The following KRT6C variants were observed in gnomAD, a reference collection of about 807,000 sequenced individuals.
The protein encoded by KRT6C is keratin, type II cytoskeletal 6C.
A neutral mutation model predicts 49.4 loss-of-function variants in KRT6C; 46 were observed. The observed-to-expected ratio is 0.93, with a 90% CI of 0.74 to 1.19. The LOEUF (loss-of-function observed/expected upper bound fraction) is 1.19. Among genes scored for constraint, KRT6C ranks in the 50% most tolerant of loss-of-function variants. The probability of loss-of-function intolerance (pLI) is 0.00; values close to 1 mark genes in which losing one functional copy is unlikely to be tolerated. For missense variants in KRT6C, 552 were observed against 737.5 expected, an observed-to-expected ratio of 0.75 and a Z score of 2.91; for synonymous variants, 236 against 297.1, an observed-to-expected ratio of 0.79 and a Z score of 2.12.
rs768706973 is a variant in KRT6C, at chr12:52,471,479, T to C, written c.854A>G (p.Gln285Arg). 17 of 1,613,738 alleles carry C rather than the reference T, an allele frequency of 1.1e-5. No individual in the cohort carries two copies. Among genetic ancestry groups the C allele is most frequent in the Non-Finnish European group, 1.3e-5 (15 of 1,179,884 alleles). Residue 285 changes from glutamine to arginine, a missense_variant, in exon 4 of 9, where the codon CAA becomes CGA. Physicochemically the swap from Gln to Arg is conservative, Grantham distance 43. Transcript: ENST00000252250. ...ATCTGTGAGAGTGTCTGCCTTGGCT[T>C]GCAGTTCAACCTTGTTCATGTAGGC... ...DAAYMNKVEL[Q>R]AKADTLTDEI...
At chr12:52,472,966 G>A (rs1227214705) in intron 1 of KRT6C, among the ~76,000 whole-genome samples, 1 of 150,676 alleles carries the variant, frequency 6.6e-6, no homozygotes, top group Non-Finnish European at 1.5e-5. Flanking sequence ...GTGCTTCAGG[G>A]TTATGAAAAG....
Position 52,469,340 on chromosome 12 carries a change from C to T in KRT6C, c.1460-43G>A, listed in dbSNP as rs776725764. 1.2e-5 allele frequency: 19 copies of T among 1,614,014 alleles called. No individual in the cohort carries two copies. The South Asian group carries it at 1.6e-4, about 14-fold the overall frequency. On this transcript the variant is annotated intron_variant, in intron 8 of 8. Coordinates refer to ENST00000252250, the MANE Select transcript of KRT6C (RefSeq NM_173086.5). Reference sequence around the variant, plus strand: ...CAAGGACACAAGAAGCCACGGTGAGCTCATCCTGCCGGCCTGAGCCCAGTC... The same window carrying T: ...CAAGGACACAAGAAGCCACGGTGAGTTCATCCTGCCGGCCTGAGCCCAGTC...
At chr12:52,471,333 T>C (rs642251) in intron 4 of KRT6C, 37 bp from the exon 5 acceptor site, 238 of 1,614,036 alleles carry the variant, frequency 1.5e-4, no homozygotes, top group Admixed American at 2.2e-4. Flanking sequence ...ACTTCACATC[T>C]GACATTTACA....
Position 52,468,933 on chromosome 12 carries a change from T to A in KRT6C, c.*129A>T. The stretch of plus-strand genomic sequence containing the variant: ...CAGAGAGAAGTGAGGGCACTAAGCA[T>A]CCATACCCAGCTCTACCTCGGAGAG... On this transcript the variant is annotated 3_prime_UTR_variant, in exon 9 of 9. Coordinates refer to ENST00000252250, the MANE Select transcript of KRT6C (RefSeq NM_173086.5). 1 of 1,183,458 alleles carries A rather than the reference T, an allele frequency of 8.4e-7. No homozygotes were observed. Among genetic ancestry groups the A allele is most frequent in the Non-Finnish European group, 1.2e-6 (1 of 823,546 alleles). The allele number at this position is 1,183,458 out of a possible 1,614,324, so 73.3% of individuals were successfully genotyped here.
rs773690608 is a variant in KRT6C at position 52,469,035 on chromosome 12, G to T, written c.*27C>A. ...GCAGCCAGAGAAGGGCCTGAGGACTGTGGGACCGAGAGCTGGAGGCAGCAC... is the reference window on the plus strand; with the variant it reads ...GCAGCCAGAGAAGGGCCTGAGGACTTTGGGACCGAGAGCTGGAGGCAGCAC... On this transcript the variant is annotated 3_prime_UTR_variant, in exon 9 of 9. Coordinates refer to ENST00000252250, the MANE Select transcript of KRT6C (RefSeq NM_173086.5). 6.2e-7 allele frequency: 1 copy of T among 1,614,040 alleles called. No homozygotes were observed. The highest frequency in any genetic ancestry group is 1.1e-5 in the South Asian group (1 of 91,070).
rs570598049 is a variant in KRT6C at position 52,469,651 on chromosome 12, A to G, written c.1424+19T>C. On this transcript the variant is annotated intron_variant, in intron 7 of 8. Transcript: ENST00000252250. ...GAAGATGGACTCAGCTGTTGGAGGA[A>G]GTCGCGTCAGTTACCTACCTGCACT... is the stretch of plus-strand genomic sequence containing the variant. 230 of 1,613,898 alleles carry G rather than the reference A, an allele frequency of 1.4e-4. 4 individuals are homozygous for G. In the South Asian group the frequency reaches 2.4e-3, roughly 17 times the overall value.
rs1415416757 is a variant in KRT6C, at chr12:52,470,289, T to G, written c.1203+216A>C. 9 of 772,144 alleles carry G rather than the reference T, an allele frequency of 1.2e-5. No homozygotes were observed. In the South Asian group the frequency reaches 1.2e-4, roughly 10 times the overall value. The allele number at this position is 772,144 out of a possible 1,614,324, so 47.8% of individuals were successfully genotyped here. On this transcript the variant is annotated intron_variant, in intron 6 of 8. Transcript: ENST00000252250. ...GTAGGGGAGGTGGTAACTTTTTACC[T>G]GACTGTTGAGACCTGGCCTTGCTTG...
chr12:52,471,292 A>T lies in KRT6C; in HGVS notation c.917T>A (p.Leu306Gln). The change falls in exon 5 of 9, where the codon CTG becomes CAG. Residue 306 changes from leucine to glutamine, a missense_variant. Physicochemically the swap from Leu to Gln is moderately radical, Grantham distance 113. Transcript: ENST00000252250. ...TGAGATGTGGGTCTGCATCTGGGAC[A>T]GCTCCTGCAGAACAGAAGGTCATAA... ...NFLRALYDAE[L>Q]SQMQTHISDT... The T allele has an allele frequency of 6.2e-7, 1 of 1,614,238 alleles. No homozygotes were observed. The highest frequency in any genetic ancestry group is 8.5e-7 in the Non-Finnish European group (1 of 1,180,032).
chr12:52,471,408 T>C lies in KRT6C; in HGVS notation c.912+13A>G. 13 of 1,613,998 alleles carry C rather than the reference T, an allele frequency of 8.1e-6. No homozygotes were observed. Among genetic ancestry groups the C allele is most frequent in the Non-Finnish European group, 1.1e-5 (13 of 1,179,944 alleles). ...CCCATCAGAGTAAACAGAAGGATGG[T>C]GGAGATGCTTACTGCATCATACAAG... On this transcript the variant is annotated intron_variant, in intron 4 of 8. Transcript: ENST00000252250.
rs750187078 is a variant in KRT6C, at chr12:52,469,895, G to A, written c.1204-5C>T. ...GGCAGCCTGCAGGCTGGCACACTAG[G>A]AGGGGAAAGGAAGAGAAGGAACTTC... On this transcript the variant is annotated splice_region_variant and splice_polypyrimidine_tract_variant and intron_variant, in intron 6 of 8. Transcript: ENST00000252250. The A allele has an allele frequency of 3.1e-6, 5 of 1,613,952 alleles. No individual in the cohort carries two copies. Among genetic ancestry groups the A allele is most frequent in the East Asian group, 2.2e-5 (1 of 44,878 alleles).
Position 52,471,130 on chromosome 12 carries a change from A to G in KRT6C, c.1077+2T>C, listed in dbSNP as rs772244815. The G allele has an allele frequency of 6.2e-7, 1 of 1,614,096 alleles. No homozygotes were observed. The highest frequency in any genetic ancestry group is 1.1e-5 in the South Asian group (1 of 91,070). The stretch of plus-strand genomic sequence containing the variant: ...CTCAGCAGCTGCCCACTCCCTGCTC[A>G]CCTTGGTCTGGTACCAGGACTCAGC... On this transcript the variant is annotated splice_donor_variant, in intron 5 of 8. Transcript: ENST00000252250. LOFTEE classifies it high-confidence loss of function.
At position 52,473,590 on chromosome 12, in the gene KRT6C, C is replaced by T. The variant is rs1937930228; in HGVS notation, c.148G>A (p.Ala50Thr). ...CTGCCAAAGCCAGCTCCTCCACATG[C>T]ACCACCCAGGCCACCACTGCCCCTG... ...RSRGSGGLGGACGGAGFGSRS... is the reference protein window; with the variant it reads ...RSRGSGGLGGTCGGAGFGSRS... Residue 50 changes from alanine (A) to threonine (T), a missense_variant, in exon 1 of 9, where the codon GCA becomes ACA. Around this residue, in one of 3 missense-constraint regions of KRT6C, gnomAD observed 73 missense variants for 102.1 expected, o/e 0.71. Coordinates refer to ENST00000252250, the MANE Select transcript of KRT6C (RefSeq NM_173086.5). 6.9e-6 allele frequency: 11 copies of T among 1,604,850 alleles called. No individual in the cohort carries two copies. The highest frequency in any genetic ancestry group is 1.4e-5 in the African/African-American group (1 of 73,224).
At chr12:52,469,979 A>C in intron 6 of KRT6C, 89 bp from the exon 7 acceptor site, 1 of 1,414,644 alleles carries the variant, frequency 7.1e-7, no homozygotes, top group Non-Finnish European at 9.9e-7. Context: ...CCTGTAACCC[A>C]AAATTGACAG....
intron 6 of KRT6C, chr12:52,470,169 T>C (rs925940920): frequency 1.7e-6 from 1 of 604,324 alleles, no homozygotes; most frequent in African/African-American, 1.8e-5. Flanking sequence ...AGATGAATGC[T>C]CGGTTTGTAC....
At position 52,468,849 on chromosome 12, in the gene KRT6C, G is replaced by A; in HGVS notation, c.*213C>T. On this transcript the variant is annotated 3_prime_UTR_variant, in exon 9 of 9. Coordinates refer to ENST00000252250, the MANE Select transcript of KRT6C (RefSeq NM_173086.5). ...GCTCCATTGGTGAATACATTATGAT[G>A]TAAAATCAAAGGTTGATCTGATGGT... 3.2e-6 allele frequency: 2 copies of A among 620,288 alleles called. No homozygotes were observed. The highest frequency in any genetic ancestry group is 2.8e-6 in the Non-Finnish European group (1 of 351,948). The allele number at this position is 620,288 out of a possible 1,614,324, so 38.4% of individuals were successfully genotyped here.
At position 52,471,991 on chromosome 12, in the gene KRT6C, T is replaced by C. The variant is rs1358620908; in HGVS notation, c.755+75A>G. 2.9e-5 allele frequency: 39 copies of C among 1,334,012 alleles called. 1 individual carries two copies. Among genetic ancestry groups the C allele is most frequent in the Non-Finnish European group, 4.1e-5 (38 of 931,074 alleles). The allele number at this position is 1,334,012 out of a possible 1,614,324, so 82.6% of individuals were successfully genotyped here. A position where few individuals can be genotyped will look rare whatever the true frequency, so the allele number is the denominator to read the frequency against. On this transcript the variant is annotated intron_variant, in intron 2 of 8. Coordinates refer to ENST00000252250, the MANE Select transcript of KRT6C (RefSeq NM_173086.5). ...TTTCATTTCCATGGACATGGGTTGT[T>C]AGGAATCCTACACACATCTGGCCCT...
rs1937846237 is a variant in KRT6C at position 52,470,018 on chromosome 12, T to C, written c.1204-128A>G. The C allele has an allele frequency of 6.4e-6, 7 of 1,093,410 alleles. 1 individual carries two copies. The East Asian group carries it at 1.8e-4, about 28-fold the overall frequency. 67.7% of individuals were successfully genotyped at this position (1,093,410 alleles called of 1,614,324 possible). A position where few individuals can be genotyped will look rare whatever the true frequency, so the allele number is the denominator to read the frequency against. ...ATGAGCTTTGACTCTTCCTGTCCAG[T>C]ATTTCTCCATTTGGCAATATTTGTC... On this transcript the variant is annotated intron_variant, in intron 6 of 8. Coordinates refer to ENST00000252250, the MANE Select transcript of KRT6C (RefSeq NM_173086.5).
intron 1 of KRT6C, 93 bp from the exon 2 acceptor site, chr12:52,472,373 T>C (rs1937903993): frequency 1.8e-6 from 2 of 1,134,376 alleles, no homozygotes; most frequent in African/African-American, 2.8e-5. Flanking sequence ...GAGGTCCCCA[T>C]GGTGCTGGGC....
chr12:52,469,497 T>C, intron 7 of KRT6C, 52 bp from the exon 8 acceptor site: 1 of 1,613,868 alleles, frequency 6.2e-7, no homozygotes, highest in Non-Finnish European at 8.5e-7. Flanking sequence ...CTTCCTTCCC[T>C]GGACCAGTGT....
Sources: gnomAD v4.1 joint callset for allele counts (sites outside exome capture counted in the v4.1 genomes callset) on GRCh38, gnomAD v4.1.1 for gene constraint, gnomAD v4.1.1 regional missense constraint, MANE v1.5 for transcripts, NCBI Gene and HGNC (gene_info 2026-07-23, HGNC 2026-07-21) for gene names.